AKAP13: variants seen among roughly 807,000 people sequenced by gnomAD.
The protein encoded by AKAP13 is A-kinase anchoring protein 13, also known as A-kinase anchor protein 13.
In AKAP13, 80 loss-of-function variants were observed where a neutral mutation model predicts 264.5. The observed-to-expected ratio is 0.30, with a 90% confidence interval of 0.25 to 0.36. AKAP13 has a LOEUF of 0.36. Ranked by LOEUF, AKAP13 falls within the 10% of genes least tolerant of loss-of-function variation. The pLI, the probability that AKAP13 is intolerant of heterozygous loss-of-function variation, is 1.00. For missense variants in AKAP13, 3,712 were observed against 3,435.2 expected, an observed-to-expected ratio of 1.08 and a Z score of -2.01; for synonymous variants, 1,380 against 1,250.2, an observed-to-expected ratio of 1.10 and a Z score of -2.19.
chr15:85,454,772 A>G (rs1239293751), intron 1 of AKAP13, among the ~76,000 whole-genome samples: 1 of 152,182 alleles, frequency 6.6e-6, no homozygotes. Flanking sequence ...GAATCTTTTC[A>G]TCACCCCAGA....
At chr15:85,456,556 T>G (rs1035373570) in intron 1 of AKAP13, among the ~76,000 whole-genome samples, 3 of 150,162 alleles carry the variant, frequency 2.0e-5, no homozygotes, top group South Asian at 4.2e-4. Context: ...TTCTGTTTTT[T>G]TTTTTTTTTT....
At chr15:85,683,568 C>G (rs1166605084) in intron 15 of AKAP13, 1 of 152,280 alleles carries the variant, frequency 6.6e-6, no homozygotes, top group East Asian at 1.9e-4. Context: ...CTCCCGGGTT[C>G]AAGCGATTTT....
At chr15:85,646,381 C>T (rs1053396779) in intron 10 of AKAP13, among the ~76,000 whole-genome samples, 18 of 152,134 alleles carry the variant, frequency 1.2e-4, no homozygotes, top group African/African-American at 4.1e-4. Context: ...GAGTCAAGTT[C>T]GCGCCACTAA....
At chr15:85,451,526 A>AT (rs1288180829) in intron 1 of AKAP13, among the ~76,000 whole-genome samples, 2 of 152,090 alleles carry the variant, frequency 1.3e-5, no homozygotes, top group African/African-American at 4.8e-5. Flanking sequence ...TCTTTTGTAT[A>AT]TTTAGTGCTC....
intron 8 of AKAP13, among the ~76,000 whole-genome samples, chr15:85,604,532 C>T (rs1267942499): frequency 1.3e-5 from 2 of 151,398 alleles, no homozygotes; most frequent in Non-Finnish European, 2.9e-5. Context: ...GCTGCAATCT[C>T]GGCTCATTGC....
At chr15:85,671,012 T>A in intron 14 of AKAP13, 1 of 152,142 alleles carries the variant, frequency 6.6e-6, no homozygotes, top group Non-Finnish European at 1.5e-5. Context: ...GTGTGGGATC[T>A]GGATATAAAG....
chr15:85,409,782 C>G (rs971073720), intron 1 of AKAP13, among the ~76,000 whole-genome samples: 2 of 151,394 alleles, frequency 1.3e-5, no homozygotes, highest in Non-Finnish European at 1.5e-5. Flanking sequence ...AGGCGCCCAC[C>G]ACCACACCCT....
chr15:85,646,591 G>A (rs1017988311), intron 10 of AKAP13, among the ~76,000 whole-genome samples: 1 of 152,192 alleles, frequency 6.6e-6, no homozygotes, highest in Non-Finnish European at 1.5e-5. Flanking sequence ...TCAGTGGGCA[G>A]CAAGGACCGC....
intron 1 of AKAP13, among the ~76,000 whole-genome samples, chr15:85,395,189 T>A (rs1396221766): frequency 1.3e-5 from 2 of 152,206 alleles, no homozygotes; most frequent in Admixed American, 1.3e-4. Flanking sequence ...AGGAGAAGAA[T>A]TCTGATAGCT....
At chr15:85,523,726 G>A (rs2076915574) in intron 3 of AKAP13, among the ~76,000 whole-genome samples, 1 of 152,140 alleles carries the variant, frequency 6.6e-6, no homozygotes. Flanking sequence ...CACACATCCA[G>A]CTTCCCAGAA....
At chr15:85,483,962 G>C (rs527692618) in intron 1 of AKAP13, among the ~76,000 whole-genome samples, 1 of 152,040 alleles carries the variant, frequency 6.6e-6, no homozygotes, top group Non-Finnish European at 1.5e-5. Flanking sequence ...AAGATTGGAC[G>C]ACACTCTTTT....
chr15:85,448,381 T>C (rs2073970246), intron 1 of AKAP13, among the ~76,000 whole-genome samples: 1 of 152,246 alleles, frequency 6.6e-6, no homozygotes, highest in South Asian at 2.1e-4. Flanking sequence ...AGATCCCATT[T>C]ATCAATTTTT....
chr15:85,498,981 C>T (rs1006036544), intron 2 of AKAP13, among the ~76,000 whole-genome samples: 6 of 152,192 alleles, frequency 3.9e-5, no homozygotes, highest in Non-Finnish European at 7.3e-5. Flanking sequence ...TTTGAAAAGC[C>T]TCCTATGAAT....
chr15:85,733,647 T>C (rs1309854269), intron 30 of AKAP13, among the ~76,000 whole-genome samples: 2 of 152,196 alleles, frequency 1.3e-5, no homozygotes. Flanking sequence ...CTTTTAATAC[T>C]TTTGATCTCT....
chr15:85,677,542 T>C (rs2084297561), intron 14 of AKAP13, among the ~76,000 whole-genome samples: 1 of 152,214 alleles, frequency 6.6e-6, no homozygotes, highest in Non-Finnish European at 1.5e-5. Flanking sequence ...TTACACTTTT[T>C]TTCTTCTCCT....
intron 17 of AKAP13, among the ~76,000 whole-genome samples, chr15:85,703,842 C>CA (rs58183279): frequency 0.22 from 29,874 of 137,170 alleles, 3,239 homozygotes; most frequent in East Asian, 0.33. Flanking sequence ...GACTCCATCT[C>CA]AAAAAAAAAA....
At chr15:85,386,413 C>T (rs1005014103) in intron 1 of AKAP13, among the ~76,000 whole-genome samples, 104 of 152,038 alleles carry the variant, frequency 6.8e-4, no homozygotes, top group African/African-American at 2.4e-3. Context: ...CCTGCCTCAG[C>T]CTCCTGAGTA....
At position 85,631,299 on chromosome 15, in the gene AKAP13, A is replaced by G. The variant is rs1481595487; in HGVS notation, c.4162-8075A>G. Reference sequence around the variant, plus strand: ...CAGGGGATGGGGGTGAGGCATGACTACTAATGGATATAGGGTTTCTTTTTG... The same window carrying G: ...CAGGGGATGGGGGTGAGGCATGACTGCTAATGGATATAGGGTTTCTTTTTG... On this transcript the variant is annotated intron_variant, in intron 8 of 36. Transcript: ENST00000394518. Among the ~76,000 whole-genome samples the G allele has an allele frequency of 4.6e-5, 7 of 152,226 alleles. No homozygotes were observed. In the South Asian group the frequency reaches 1.5e-3, roughly 32 times the overall value.
rs150444348 is a variant in AKAP13 at position 85,620,301 on chromosome 15, G to A, written c.4162-19073G>A. On this transcript the variant is annotated intron_variant, in intron 8 of 36. Transcript: ENST00000394518. Reference sequence around the variant, plus strand: ...GAGAAATCTGTGCACAGTGGAGGATGAGGGGTGAATGTAAGCCTCTTAAAG... The same window carrying A: ...GAGAAATCTGTGCACAGTGGAGGATAAGGGGTGAATGTAAGCCTCTTAAAG... 3.7e-5 allele frequency: 31 copies of A among 836,008 alleles called. No homozygotes were observed. The East Asian group carries it at 7.2e-4, about 19-fold the overall frequency. 51.8% of individuals were successfully genotyped at this position (836,008 alleles called of 1,614,324 possible).
Sources: allele counts gnomAD v4.1 joint callset (sites outside exome capture counted in the v4.1 genomes callset), GRCh38; gene constraint gnomAD v4.1.1; transcripts MANE v1.5; gene names NCBI Gene and HGNC (gene_info 2026-07-23, HGNC 2026-07-21).